The following RPS6KC1 variants were observed in gnomAD, a reference collection of about 807,000 sequenced individuals.
RPS6KC1 encodes the protein inactive ribosomal protein S6 kinase delta-1.
In RPS6KC1, 54 loss-of-function variants were observed where a neutral mutation model predicts 103.8. The observed-to-expected ratio is 0.52, with a 90% CI of 0.42 to 0.65. RPS6KC1 has a LOEUF of 0.65. Among genes scored for constraint, RPS6KC1 ranks in the 30% least tolerant of loss-of-function variants. The probability of loss-of-function intolerance (pLI) is 0.00; values close to 1 mark genes in which losing one functional copy is unlikely to be tolerated. For synonymous variants in RPS6KC1, 439 were observed against 438.7 expected, an observed-to-expected ratio of 1.00 and a Z score of -0.01; for missense variants, 1,151 against 1,253.8, an observed-to-expected ratio of 0.92 and a Z score of 1.24.
the RPS6KC1 span, among the ~76,000 whole-genome samples, chr1:213,744,448 C>T: frequency 0.014 from 2,179 of 152,310 alleles, 20 homozygotes; most frequent in Non-Finnish European, 0.023. Flanking sequence ...AATGTGTCTC[C>T]CTATTGCCCC....
At chr1:213,262,192 A>G (rs2094813125) in intron 13 of RPS6KC1, among the ~76,000 whole-genome samples, 1 of 152,168 alleles carries the variant, frequency 6.6e-6, no homozygotes, top group African/African-American at 2.4e-5. Context: ...GCCTCCTGGG[A>G]AGAAAATGAA....
At chr1:213,603,210 G>A in the RPS6KC1 span, among the ~76,000 whole-genome samples, 1 of 152,242 alleles carries the variant, frequency 6.6e-6, no homozygotes, top group Non-Finnish European at 1.5e-5. Context: ...CAGAGTCAGG[G>A]TTCAGAGCAG....
the RPS6KC1 span, among the ~76,000 whole-genome samples, chr1:213,476,708 A>C: frequency 6.6e-6 from 1 of 152,170 alleles, no homozygotes; most frequent in Non-Finnish European, 1.5e-5. Context: ...GAGGACTTCT[A>C]TGGTGTTGGA....
chr1:213,187,794 AT>A (rs893610282), intron 8 of RPS6KC1, among the ~76,000 whole-genome samples: 4 of 151,568 alleles, frequency 2.6e-5, no homozygotes, highest in African/African-American at 4.9e-5. Flanking sequence ...ATTAATAGAT[AT>A]TTATAGAATA....
the RPS6KC1 span, among the ~76,000 whole-genome samples, chr1:213,839,108 G>T: frequency 6.6e-6 from 1 of 152,174 alleles, no homozygotes; most frequent in African/African-American, 2.4e-5. Flanking sequence ...TTACAGTTAG[G>T]TTGGTTCATT....
At chr1:213,294,877 C>G in the RPS6KC1 span, among the ~76,000 whole-genome samples, 1 of 152,132 alleles carries the variant, frequency 6.6e-6, no homozygotes, top group Non-Finnish European at 1.5e-5. Flanking sequence ...TCTTTCTCCT[C>G]CTCTTCAAAA....
At chr1:213,666,993 C>G in the RPS6KC1 span, among the ~76,000 whole-genome samples, 1 of 152,154 alleles carries the variant, frequency 6.6e-6, no homozygotes, top group East Asian at 1.9e-4. Context: ...GAAGCCTCTT[C>G]TTTGTTTTAC....
chr1:213,405,989 AG>A, the RPS6KC1 span, among the ~76,000 whole-genome samples: 1 of 152,196 alleles, frequency 6.6e-6, no homozygotes, highest in Non-Finnish European at 1.5e-5. Context: ...GAGAGCATCC[AG>A]GGGGCCCGAT....
At chr1:213,621,319 A>G in the RPS6KC1 span, among the ~76,000 whole-genome samples, 1 of 151,418 alleles carries the variant, frequency 6.6e-6, no homozygotes, top group Non-Finnish European at 1.5e-5. Context: ...GCTGAGAAAC[A>G]GGGACCCACG....
chr1:213,555,092 C>T, the RPS6KC1 span, among the ~76,000 whole-genome samples: 1 of 152,162 alleles, frequency 6.6e-6, no homozygotes, highest in African/African-American at 2.4e-5. Context: ...ATAAGCACAC[C>T]TATTCGTAGA....
At chr1:213,762,111 C>T in the RPS6KC1 span, among the ~76,000 whole-genome samples, 23 of 152,086 alleles carry the variant, frequency 1.5e-4, no homozygotes, top group South Asian at 1.9e-3. Flanking sequence ...GGAAGGATGA[C>T]GAAAACCAAA....
At chr1:213,817,487 G>A in the RPS6KC1 span, among the ~76,000 whole-genome samples, 1 of 152,180 alleles carries the variant, frequency 6.6e-6, no homozygotes, top group African/African-American at 2.4e-5. Flanking sequence ...CTTCCTAATT[G>A]AATAACTTAG....
chr1:213,539,911 C>T, the RPS6KC1 span, among the ~76,000 whole-genome samples: 20 of 152,144 alleles, frequency 1.3e-4, no homozygotes, highest in African/African-American at 4.8e-4. Flanking sequence ...CTATGCAAGT[C>T]TATTAAGTGT....
At chr1:213,834,855 G>A in the RPS6KC1 span, among the ~76,000 whole-genome samples, 1 of 152,186 alleles carries the variant, frequency 6.6e-6, no homozygotes, top group African/African-American at 2.4e-5. Flanking sequence ...ACCATCCAGG[G>A]ATGCATCACA....
the RPS6KC1 span, among the ~76,000 whole-genome samples, chr1:213,732,270 A>G: frequency 1.3e-5 from 2 of 152,172 alleles, no homozygotes; most frequent in Non-Finnish European, 2.9e-5. Flanking sequence ...TACTTTATGC[A>G]GATTGCAGTG....
chr1:213,409,462 A>G, the RPS6KC1 span, among the ~76,000 whole-genome samples: 21 of 151,924 alleles, frequency 1.4e-4, no homozygotes, highest in South Asian at 8.3e-4. Flanking sequence ...GGGTGTGGAG[A>G]CTGTTTGTGA....
chr1:213,832,683 T>C, the RPS6KC1 span: 4 of 152,204 alleles, frequency 2.6e-5, no homozygotes, highest in Non-Finnish European at 5.9e-5. Context: ...AACATTGACT[T>C]AGAAACTCAT....
chr1:213,167,916 G>A lies in RPS6KC1; in HGVS notation c.894G>A (p.Met298Ile). The A allele has an allele frequency of 6.2e-7, 1 of 1,613,844 alleles. No homozygotes were observed. Among genetic ancestry groups the A allele is most frequent in the African/African-American group, 1.3e-5 (1 of 74,984 alleles). ...AVKRRTAEYL[M>I]RAESISSLYG... ...AGAGAAGAACAGCCGAGTACCTCAT[G>A]CGGGCAGAAAGTATCTCTAGTCTTT... Residue 298 changes from methionine to isoleucine, a missense_variant, in exon 7 of 15, where the codon ATG (methionine) becomes ATA (isoleucine). Physicochemically the swap from Met to Ile is conservative, Grantham distance 10. Transcript: ENST00000366960.
intron 14 of RPS6KC1, among the ~76,000 whole-genome samples, chr1:213,264,570 CT>C (rs1172816541): frequency 6.6e-5 from 10 of 152,088 alleles, no homozygotes; most frequent in Admixed American, 1.3e-4. Context: ...GGAATCTAGG[CT>C]TAAGATATGG....
Sources: allele counts gnomAD v4.1 joint callset (sites outside exome capture counted in the v4.1 genomes callset), GRCh38; gene constraint gnomAD v4.1.1; transcripts MANE v1.5; gene names NCBI Gene and HGNC (gene_info 2026-07-23, HGNC 2026-07-21).